The following FKBP1A variants were observed in gnomAD, a reference collection of about 807,000 sequenced individuals.
FKBP1A encodes peptidyl-prolyl cis-trans isomerase FKBP1A.
Under a neutral mutation model 14.2 loss-of-function variants are expected in FKBP1A, and 5 were observed. The observed-to-expected ratio is 0.35, with a 90% confidence interval of 0.18 to 0.74. The LOEUF is 0.74. Ranked by LOEUF, FKBP1A falls within the 30% of genes least tolerant of loss-of-function variation. The pLI is 0.56. For missense variants in FKBP1A, 53 were observed against 138.8 expected, an observed-to-expected ratio of 0.38 and a Z score of 3.10; for synonymous variants, 42 against 49.1, an observed-to-expected ratio of 0.86 and a Z score of 0.60.
chr20:1,389,351 CA>C (rs1362667436), intron 2 of FKBP1A, among the ~76,000 whole-genome samples: 2 of 152,198 alleles, frequency 1.3e-5, no homozygotes, highest in Non-Finnish European at 2.9e-5. Context: ...CAGCACACGT[CA>C]GGGGAAGCCA....
intron 2 of FKBP1A, among the ~76,000 whole-genome samples, chr20:1,380,347 C>T (rs2089603376): frequency 6.6e-6 from 1 of 152,068 alleles, no homozygotes; most frequent in African/African-American, 2.4e-5. Context: ...TTTGAGTATT[C>T]AGCAGAGTCC....
chr20:1,370,809 G>C, intron 4 of FKBP1A: 1 of 985,400 alleles, frequency 1.0e-6, no homozygotes, highest in Non-Finnish European at 1.2e-6. Flanking sequence ...CTCGAGTACA[G>C]TTATGTTCAA....
At chr20:1,391,919 A>G (rs1401765249) in intron 2 of FKBP1A, among the ~76,000 whole-genome samples, 1 of 152,114 alleles carries the variant, frequency 6.6e-6, no homozygotes, top group Non-Finnish European at 1.5e-5. Flanking sequence ...CCGCCAACTC[A>G]GCTCTCCCCC....
chr20:1,389,459 GA>G (rs901000738), intron 2 of FKBP1A, among the ~76,000 whole-genome samples: 1 of 152,294 alleles, frequency 6.6e-6, no homozygotes, highest in South Asian at 2.1e-4. Flanking sequence ...AAGCAGAGGA[GA>G]GGGGGGAACA....
intron 4 of FKBP1A, chr20:1,370,520 C>G (rs1338498922): frequency 1.0e-6 from 1 of 984,450 alleles, no homozygotes; most frequent in Non-Finnish European, 1.2e-6. Flanking sequence ...CCAGGTGACT[C>G]TCATGTGCAG....
intron 2 of FKBP1A, among the ~76,000 whole-genome samples, chr20:1,388,330 A>C (rs2089691786): frequency 6.6e-6 from 1 of 152,242 alleles, no homozygotes; most frequent in Admixed American, 6.5e-5. Flanking sequence ...CAGAGTTATT[A>C]AGAAAAAAAC....
intron 2 of FKBP1A, among the ~76,000 whole-genome samples, chr20:1,392,044 T>C (rs1214197856): frequency 6.6e-6 from 1 of 152,184 alleles, no homozygotes; most frequent in East Asian, 1.9e-4. Context: ...TGTCTAAAAT[T>C]TCCTTTGGCT....
At chr20:1,392,133 T>A (rs914967529) in intron 2 of FKBP1A, among the ~76,000 whole-genome samples, 1 of 152,226 alleles carries the variant, frequency 6.6e-6, no homozygotes, top group Admixed American at 6.5e-5. Flanking sequence ...CTAGAAGAGC[T>A]GGGGGACTAA....
chr20:1,390,933 G>A (rs76579472), intron 2 of FKBP1A, among the ~76,000 whole-genome samples: 3,652 of 152,280 alleles, frequency 0.024, 153 homozygotes, highest in African/African-American at 0.083. Flanking sequence ...CGTGCCACCC[G>A]CGAGAAAAAC....
intron 2 of FKBP1A, chr20:1,377,496 A>G (rs1360179983): frequency 6.6e-6 from 1 of 152,254 alleles, no homozygotes. Flanking sequence ...TTCGTTTACC[A>G]GAATGCAGTC....
intron 2 of FKBP1A, among the ~76,000 whole-genome samples, chr20:1,389,055 G>C (rs942358652): frequency 2.0e-5 from 3 of 151,954 alleles, no homozygotes; most frequent in Admixed American, 1.3e-4. Context: ...ATTTTTTTCA[G>C]AGGCCTTTTC....
intron 2 of FKBP1A, among the ~76,000 whole-genome samples, chr20:1,383,489 C>T (rs1036783284): frequency 9.2e-5 from 14 of 151,874 alleles, no homozygotes; most frequent in African/African-American, 3.1e-4. Flanking sequence ...ACTTTCAACA[C>T]GCAGGTGAGT....
In FKBP1A at chr20:1,369,963, C is replaced by T; in HGVS notation, c.*146G>A. ...TCGGAAGCAAAGCTGAGTGACAGAACACATTCAGTCAGGGCAGATGTCTAT... is the reference window on the plus strand; with the variant it reads ...TCGGAAGCAAAGCTGAGTGACAGAATACATTCAGTCAGGGCAGATGTCTAT... On this transcript the variant is annotated 3_prime_UTR_variant, in exon 5 of 5. Coordinates refer to ENST00000400137, the MANE Select transcript of FKBP1A (RefSeq NM_000801.5). 6.7e-7 allele frequency: 1 copy of T among 1,482,464 alleles called. No individual in the cohort carries two copies. Among genetic ancestry groups the T allele is most frequent in the Admixed American group, 2.1e-5 (1 of 47,226 alleles). The allele number at this position is 1,482,464 out of a possible 1,614,324, so 91.8% of individuals were successfully genotyped here. A position where few individuals can be genotyped will look rare whatever the true frequency, so the allele number is the denominator to read the frequency against.
Position 1,379,453 on chromosome 20 carries a change from T to C in FKBP1A, c.86-3850A>G, listed in dbSNP as rs1159523126. ...AACCCCAGCTCTCCTGAGCCTATCT[T>C]GGACACTGAGGGGCAAACCTCTCCC... is the stretch of plus-strand genomic sequence containing the variant. On this transcript the variant is annotated intron_variant, in intron 2 of 4. Transcript: ENST00000400137. The surrounding 1 kb of genome is among the most constrained non-coding windows in gnomAD (Gnocchi z 4.3). Among the ~76,000 whole-genome samples the C allele has an allele frequency of 6.6e-6, 1 of 152,206 alleles. No homozygotes were observed. Among genetic ancestry groups the C allele is most frequent in the East Asian group, 1.9e-4 (1 of 5,194 alleles).
rs2089592584 is a variant in FKBP1A at position 1,379,424 on chromosome 20, G to A, written c.86-3821C>T. 6.6e-6 allele frequency among the ~76,000 whole-genome samples: 1 copy of A among 152,188 alleles called. No individual in the cohort carries two copies. The highest frequency in any genetic ancestry group is 1.5e-5 in the Non-Finnish European group (1 of 68,026). ...TCAGTGGCTCTATGTGAGGATGCCT[G>A]TCTAACCCCAGCTCTCCTGAGCCTA... On this transcript the variant is annotated intron_variant, in intron 2 of 4. Transcript: ENST00000400137. This position sits in a 1 kb window ranked among gnomAD's most constrained non-coding sequence, Gnocchi z 4.3.
Position 1,381,279 on chromosome 20 carries a change from A to G in FKBP1A, c.86-5676T>C, listed in dbSNP as rs569616649. On this transcript the variant is annotated intron_variant, in intron 2 of 4. Transcript: ENST00000400137. ...GAAAACCAATAAAAAAGGGCTAAAGATTTGAACAGATACTTCATTGAAAAA... is the reference window on the plus strand; with the variant it reads ...GAAAACCAATAAAAAAGGGCTAAAGGTTTGAACAGATACTTCATTGAAAAA... Among the ~76,000 whole-genome samples, 3 of 152,366 alleles carry G rather than the reference A, an allele frequency of 2.0e-5. No homozygotes were observed. In the South Asian group the frequency reaches 6.2e-4, roughly 32 times the overall value.
intron 2 of FKBP1A, among the ~76,000 whole-genome samples, chr20:1,388,379 C>T (rs890607694): frequency 9.2e-5 from 14 of 152,170 alleles, no homozygotes; most frequent in Non-Finnish European, 1.2e-4. Flanking sequence ...ACAGACATAA[C>T]AACTGCGATG....
At chr20:1,390,277 A>T (rs1045391052) in intron 2 of FKBP1A, among the ~76,000 whole-genome samples, 6 of 150,992 alleles carry the variant, frequency 4.0e-5, no homozygotes, top group African/African-American at 1.5e-4. Context: ...CTTCTCAGAG[A>T]AGTAACAATC....
chr20:1,378,084 A>G (rs1297911411), intron 2 of FKBP1A: 1 of 138,586 alleles, frequency 7.2e-6, no homozygotes, highest in Non-Finnish European at 1.6e-5. Context: ...TGTGAAGTCT[A>G]CTGGGATCTT....
Sources: gnomAD v4.1 joint callset for allele counts (sites outside exome capture counted in the v4.1 genomes callset) on GRCh38, gnomAD v4.1.1 for gene constraint, Gnocchi (gnomAD v3.1) non-coding constraint, MANE v1.5 for transcripts, NCBI Gene and HGNC (gene_info 2026-07-23, HGNC 2026-07-21) for gene names.